Variants in DIAPH2 observed in about 807,000 individuals in gnomAD.
DIAPH2 encodes protein diaphanous homolog 2.
In DIAPH2, 35 loss-of-function variants were observed where a neutral mutation model predicts 92.7. That is an observed-to-expected ratio of 0.38 (90% CI 0.29 to 0.50). DIAPH2 has a LOEUF of 0.50. DIAPH2 is among the 20% of genes least tolerant of loss of function. The probability of loss-of-function intolerance (pLI) is 0.94; values close to 1 mark genes in which losing one functional copy is unlikely to be tolerated. For synonymous variants in DIAPH2, 301 were observed against 280.4 expected (o/e 1.07, Z -0.73); for missense variants, 701 against 819.5 (o/e 0.86, Z 1.77).
At chrX:96,692,908 T>A (rs1413608017) in intron 1 of DIAPH2, among the ~76,000 whole-genome samples, 1 of 112,505 alleles carries the variant, frequency 8.9e-6, no homozygotes, top group Non-Finnish European at 1.9e-5. Context: ...TCTTTGTTTT[T>A]CAGCCCCTTT....
chrX:97,368,774 T>C (rs1569375781), intron 24 of DIAPH2, among the ~76,000 whole-genome samples: 1 of 111,737 alleles, frequency 8.9e-6, no homozygotes, highest in Non-Finnish European at 1.9e-5. Flanking sequence ...TTGTCTTCAT[T>C]AAGTAAGAAA....
At position 96,735,745 on chromosome X, in the gene DIAPH2, T is replaced by C; in HGVS notation, c.133-13T>C. 1 of 1,047,259 alleles carries C rather than the reference T, an allele frequency of 9.5e-7. No individual in the cohort carries two copies. Among genetic ancestry groups the C allele is most frequent in the Non-Finnish European group, 1.3e-6 (1 of 768,822 alleles). 86.3% of individuals were successfully genotyped at this position (1,047,259 alleles called of 1,213,427 possible). On this transcript the variant is annotated splice_polypyrimidine_tract_variant and intron_variant, in intron 1 of 26. Transcript: ENST00000324765. ...ATGGGTTTTTTTTGTTTGTTTCTTT[T>C]TGGTTTTAATAGAACATTCAAATAA...
At chrX:96,796,953 TTTTC>T (rs774252291) in intron 4 of DIAPH2, among the ~76,000 whole-genome samples, 33 of 111,989 alleles carry the variant, frequency 2.9e-4, no homozygotes, top group African/African-American at 1.0e-3. Context: ...GCCTGAAGAA[TTTTC>T]TTTAAGTATT....
In DIAPH2 at chrX:96,714,202, A is replaced by G. The variant is rs775266445; in HGVS notation, c.133-21556A>G. Among the ~76,000 whole-genome samples, 17 of 109,633 alleles carry G rather than the reference A, an allele frequency of 1.6e-4. No individual in the cohort carries two copies. The East Asian group carries it at 4.8e-3, about 31-fold the overall frequency. The stretch of plus-strand genomic sequence containing the variant: ...CTCATTGATTTAGTAACTACCTGCC[A>G]TTATATGCATTCATGGCACATGTAT... On this transcript the variant is annotated intron_variant, in intron 1 of 26. Coordinates refer to ENST00000324765, the MANE Select transcript of DIAPH2 (RefSeq NM_006729.5).
intron 26 of DIAPH2, among the ~76,000 whole-genome samples, chrX:97,591,115 C>T (rs1326826172): frequency 8.9e-6 from 1 of 111,740 alleles, no homozygotes. Flanking sequence ...TAGCAATATT[C>T]GAGAACTAGA....
intron 23 of DIAPH2, among the ~76,000 whole-genome samples, chrX:97,264,585 C>A (rs897212136): frequency 3.6e-5 from 4 of 112,522 alleles, no homozygotes; most frequent in African/African-American, 1.3e-4. Context: ...AACCTTTGCA[C>A]AAATATATTT....
At chrX:96,833,553 T>A (rs778129722) in intron 4 of DIAPH2, among the ~76,000 whole-genome samples, 2 of 111,793 alleles carry the variant, frequency 1.8e-5, no homozygotes, top group African/African-American at 6.5e-5. Flanking sequence ...AATTCAGGTA[T>A]TTAAAAAAAT....
chrX:97,476,074 T>G (rs1262014515), intron 26 of DIAPH2, among the ~76,000 whole-genome samples: 1 of 112,337 alleles, frequency 8.9e-6, no homozygotes, highest in Non-Finnish European at 1.9e-5. Flanking sequence ...TTTCCTATCA[T>G]CTGAGTCTTT....
chrX:97,140,262 T>C (rs897076373), intron 21 of DIAPH2, among the ~76,000 whole-genome samples: 5 of 111,249 alleles, frequency 4.5e-5, no homozygotes, highest in South Asian at 3.8e-4. Context: ...TGTAAACACA[T>C]CACACAGTAA....
intron 4 of DIAPH2, among the ~76,000 whole-genome samples, chrX:96,803,502 T>A (rs2064600158): frequency 9.0e-6 from 1 of 111,590 alleles, no homozygotes; most frequent in South Asian, 3.8e-4. Context: ...ATTATGTAAT[T>A]TATATACTGA....
intron 17 of DIAPH2, among the ~76,000 whole-genome samples, chrX:97,010,220 C>A (rs1251329454): frequency 9.0e-6 from 1 of 111,160 alleles, no homozygotes; most frequent in Admixed American, 9.5e-5. Context: ...TATGACATGT[C>A]AGCATTGGGT....
At chrX:97,062,069 A>G (rs12559171) in intron 17 of DIAPH2, among the ~76,000 whole-genome samples, 34,088 of 110,363 alleles carry the variant, frequency 0.31, 4,859 homozygotes, top group South Asian at 0.51. Flanking sequence ...ACAGTGATAG[A>G]TTTTACAAAT....
chrX:97,045,561 A>G (rs2066476228), intron 17 of DIAPH2, among the ~76,000 whole-genome samples: 1 of 111,604 alleles, frequency 9.0e-6, no homozygotes, highest in Non-Finnish European at 1.9e-5. Flanking sequence ...GGCCTAAGAA[A>G]GGAGGAAGAT....
At chrX:97,096,193 G>A (rs530208995) in intron 19 of DIAPH2, among the ~76,000 whole-genome samples, 2 of 112,216 alleles carry the variant, frequency 1.8e-5, no homozygotes, top group African/African-American at 3.2e-5. Flanking sequence ...CACTTATAGC[G>A]AGCATAGAGG....
At chrX:96,855,957 T>C (rs1348405904) in intron 4 of DIAPH2, among the ~76,000 whole-genome samples, 3 of 112,025 alleles carry the variant, frequency 2.7e-5, no homozygotes, top group African/African-American at 9.7e-5. Context: ...TTATTTAAAA[T>C]GAAGCTGTGT....
intron 4 of DIAPH2, among the ~76,000 whole-genome samples, chrX:96,772,372 G>A (rs2147615505): frequency 8.9e-6 from 1 of 111,992 alleles, no homozygotes; most frequent in South Asian, 3.7e-4. Flanking sequence ...TTGGAGGCTA[G>A]TTAGAGTCTG....
At chrX:96,956,467 C>A (rs2065811075) in intron 15 of DIAPH2, among the ~76,000 whole-genome samples, 1 of 112,421 alleles carries the variant, frequency 8.9e-6, no homozygotes, top group African/African-American at 3.2e-5. Context: ...CAAATTTCTG[C>A]AGAGGGCTTG....
intron 22 of DIAPH2, among the ~76,000 whole-genome samples, chrX:97,178,118 G>A (rs1194759228): frequency 1.8e-5 from 2 of 110,015 alleles, no homozygotes; most frequent in Non-Finnish European, 3.8e-5. Flanking sequence ...TGCTGGGGAT[G>A]GGGGGCCTTG....
intron 21 of DIAPH2, among the ~76,000 whole-genome samples, chrX:97,141,135 G>A (rs2067206329): frequency 2.5e-5 from 2 of 79,335 alleles, no homozygotes; most frequent in African/African-American, 7.0e-5. Context: ...ATTGTATGGT[G>A]AGATTTTTTT....
Sources: allele counts gnomAD v4.1 joint callset (sites outside exome capture counted in the v4.1 genomes callset), GRCh38; gene constraint gnomAD v4.1.1; transcripts MANE v1.5; gene names NCBI Gene and HGNC (gene_info 2026-07-23, HGNC 2026-07-21).